CDH23: variants seen among roughly 807,000 people sequenced by gnomAD.
CDH23 encodes the protein cadherin-23.
In CDH23, 189 loss-of-function variants were observed where a neutral mutation model predicts 317.1. That is an observed-to-expected ratio of 0.60 (90% CI 0.53 to 0.67). The LOEUF is 0.67. Among genes scored for constraint, CDH23 ranks in the 30% least tolerant of loss-of-function variants. The pLI, the probability that CDH23 is intolerant of heterozygous loss-of-function variation, is 0.00. For missense variants in CDH23, 4,401 were observed against 4,592.4 expected, an observed-to-expected ratio of 0.96 and a Z score of 1.20; for synonymous variants, 1,839 against 1,876.8, an observed-to-expected ratio of 0.98 and a Z score of 0.52.
rs889027204 is a variant in CDH23, at chr10:71,720,281, A to G, written c.3370-3764A>G. Among the ~76,000 whole-genome samples the G allele has an allele frequency of 2.6e-5, 4 of 152,092 alleles. No homozygotes were observed. The South Asian group carries it at 6.2e-4, about 24-fold the overall frequency. Reference sequence around the variant, plus strand: ...ACCTTCCCTTTGAAGGTGTCTGGCTACAGAAGCGAGGGGTGAGGGGCATCT... The same window carrying G: ...ACCTTCCCTTTGAAGGTGTCTGGCTGCAGAAGCGAGGGGTGAGGGGCATCT... On this transcript the variant is annotated intron_variant, in intron 28 of 69. Coordinates refer to ENST00000224721, the MANE Select transcript of CDH23 (RefSeq NM_022124.6).
intron 3 of CDH23, among the ~76,000 whole-genome samples, chr10:71,501,412 A>G (rs1162054889): frequency 6.6e-6 from 1 of 151,956 alleles, no homozygotes; most frequent in African/African-American, 2.4e-5. Flanking sequence ...GAAGGTAGAG[A>G]TGGTTCCTTT....
intron 11 of CDH23, among the ~76,000 whole-genome samples, chr10:71,623,916 C>A (rs997644077): frequency 6.6e-6 from 1 of 152,124 alleles, no homozygotes; most frequent in Non-Finnish European, 1.5e-5. Context: ...GCAGAGAGAG[C>A]GCCCAAGCCA....
At chr10:71,766,901 A>T (rs1192535210) in intron 38 of CDH23, among the ~76,000 whole-genome samples, 1 of 152,210 alleles carries the variant, frequency 6.6e-6, no homozygotes. Flanking sequence ...GAAAAAATGA[A>T]CTGACCGTGC....
At chr10:71,677,336 A>G (rs1864413851) in intron 15 of CDH23, 120 bp from the exon 16 acceptor site, 1 of 753,258 alleles carries the variant, frequency 1.3e-6, no homozygotes, top group Admixed American at 2.7e-5. Context: ...GGCAGATTTC[A>G]GACTTCATTT....
At chr10:71,803,889 G>A (rs905383444) in intron 55 of CDH23, among the ~76,000 whole-genome samples, 2 of 146,594 alleles carry the variant, frequency 1.4e-5, no homozygotes, top group Non-Finnish European at 3.0e-5. Context: ...GGAGGCTGAC[G>A]CAGGATAATC....
intron 27 of CDH23, among the ~76,000 whole-genome samples, chr10:71,710,396 C>T (rs1222617982): frequency 6.6e-6 from 1 of 152,238 alleles, no homozygotes; most frequent in African/African-American, 2.4e-5. Context: ...CATCCTGGGC[C>T]CTCCTGCTCC....
chr10:71,570,661 T>G, intron 7 of CDH23, 129 bp from the exon 8 acceptor site: 7 of 963,912 alleles, frequency 7.3e-6, no homozygotes, highest in Non-Finnish European at 1.1e-5. Context: ...AGCATGGGTG[T>G]GTGTGTGCGT....
At chr10:71,484,147 C>T (rs1320514721) in intron 3 of CDH23, among the ~76,000 whole-genome samples, 3 of 152,142 alleles carry the variant, frequency 2.0e-5, no homozygotes, top group Admixed American at 6.5e-5. Context: ...GGTGGGAGGA[C>T]GCGAGAACAG....
At chr10:71,461,541 C>G (rs1033579437) in intron 3 of CDH23, among the ~76,000 whole-genome samples, 1 of 152,240 alleles carries the variant, frequency 6.6e-6, no homozygotes, top group Non-Finnish European at 1.5e-5. Context: ...TGATCCTGAA[C>G]AGACATTGCC....
At chr10:71,773,517 G>A (rs1349947490) in intron 38 of CDH23, 56 of 1,400,060 alleles carry the variant, frequency 4.0e-5, no homozygotes, top group African/African-American at 5.8e-5. Context: ...AGCCTCCCGC[G>A]ACTGAGTGCG....
At chr10:71,550,603 G>GAAA (rs1856538455) in intron 6 of CDH23, among the ~76,000 whole-genome samples, 1 of 143,308 alleles carries the variant, frequency 7.0e-6, no homozygotes, top group Admixed American at 7.0e-5. Flanking sequence ...AAGAAAGAAA[G>GAAA]AAAAGGAAAA....
At chr10:71,548,863 G>A (rs1472032080) in intron 6 of CDH23, among the ~76,000 whole-genome samples, 1 of 152,226 alleles carries the variant, frequency 6.6e-6, no homozygotes, top group African/African-American at 2.4e-5. Flanking sequence ...CCAGCTCTGA[G>A]CCTGACTAGG....
intron 22 of CDH23, among the ~76,000 whole-genome samples, chr10:71,696,310 G>A (rs1865388970): frequency 6.6e-6 from 1 of 152,206 alleles, no homozygotes; most frequent in South Asian, 2.1e-4. Context: ...AGCCCTGTGG[G>A]GGACATGAAT....
In CDH23 at chr10:71,409,232, G is replaced by A. The variant is rs564349779; in HGVS notation, c.-6+11914G>A. ...GGATTCCCTGGTGTTCCCTTCTAAT[G>A]TGTGGGGTCCGTCATGAAGCTCTGG... On this transcript the variant is annotated intron_variant, in intron 1 of 69. Coordinates refer to ENST00000224721, the MANE Select transcript of CDH23 (RefSeq NM_022124.6). 7.2e-5 allele frequency among the ~76,000 whole-genome samples: 11 copies of A among 152,302 alleles called. No homozygotes were observed. The South Asian group carries it at 1.4e-3, about 20-fold the overall frequency.
chr10:71,688,165 G>T (rs1228388585), intron 19 of CDH23, among the ~76,000 whole-genome samples: 8 of 152,142 alleles, frequency 5.3e-5, no homozygotes. Flanking sequence ...TAATCTCTGG[G>T]CCAGGCTCAG....
intron 43 of CDH23, 121 bp downstream of exon 43, chr10:71,785,221 G>A: frequency 1.3e-6 from 1 of 742,148 alleles, no homozygotes; most frequent in Non-Finnish European, 2.2e-6. Context: ...CCTGCACTGG[G>A]ATGAGGACAC....
chr10:71,443,836 C>T (rs1850021260), intron 2 of CDH23, among the ~76,000 whole-genome samples: 1 of 152,266 alleles, frequency 6.6e-6, no homozygotes, highest in Non-Finnish European at 1.5e-5. Flanking sequence ...AATAAGTCAC[C>T]TGTCTGCCCC....
At chr10:71,752,242 G>A (rs576704633) in intron 38 of CDH23, among the ~76,000 whole-genome samples, 2 of 152,316 alleles carry the variant, frequency 1.3e-5, no homozygotes, top group South Asian at 4.1e-4. Context: ...CATCCCCAAA[G>A]CCTGTCTTGA....
chr10:71,468,118 C>T (rs1851340490), intron 3 of CDH23, among the ~76,000 whole-genome samples: 1 of 152,198 alleles, frequency 6.6e-6, no homozygotes, highest in Non-Finnish European at 1.5e-5. Context: ...TGACCTGGCC[C>T]CCTGTCCTCC....
Sources: gnomAD v4.1 joint callset for allele counts (sites outside exome capture counted in the v4.1 genomes callset) on GRCh38, gnomAD v4.1.1 for gene constraint, MANE v1.5 for transcripts, NCBI Gene and HGNC (gene_info 2026-07-23, HGNC 2026-07-21) for gene names.